The following RHEX variants were observed in gnomAD, a reference collection of about 807,000 sequenced individuals.
RHEX encodes the protein regulator of hemoglobinization and erythroid cell expansion protein.
In RHEX, 18 loss-of-function variants were observed where a neutral mutation model predicts 20.1. That is an observed-to-expected ratio of 0.90 (90% CI 0.62 to 1.33). RHEX has a LOEUF of 1.33. RHEX is among the 40% of genes most tolerant of loss of function. The pLI, the probability that RHEX is intolerant of heterozygous loss-of-function variation, is 0.00. For synonymous variants in RHEX, 87 were observed against 77.1 expected, an observed-to-expected ratio of 1.13 and a Z score of -0.67; for missense variants, 192 against 214.3, an observed-to-expected ratio of 0.90 and a Z score of 0.65.
intron 1 of RHEX, among the ~76,000 whole-genome samples, chr1:206,090,202 C>CTTTTTT (rs59499927): frequency 2.4e-4 from 27 of 112,548 alleles, no homozygotes; most frequent in Middle Eastern, 5.6e-3. Flanking sequence ...TCTTTTCTTT[C>CTTTTTT]TTTTTTTTTT....
intron 1 of RHEX, chr1:206,080,110 G>C (rs1178927457): frequency 1.3e-5 from 2 of 152,226 alleles, no homozygotes; most frequent in Non-Finnish European, 2.9e-5. Context: ...GACATAACCA[G>C]AATGGTGGGT....
rs879997141 is a variant in RHEX at position 206,070,045 on chromosome 1, TAA to T, written c.-97+16792_-97+16793del. 6.3e-3 allele frequency among the ~76,000 whole-genome samples: 908 copies of T among 143,472 alleles called. 10 individuals carry two copies. The highest frequency in any genetic ancestry group is 0.019 in the South Asian group (85 of 4,484). The allele number at this position is 143,472 out of a possible 152,430, so 94.1% of individuals were successfully genotyped here. ...AACAGAAAAAAATAGCATTTACTAT[TAA>T]AAAAAAAAAAAGAATTAGTCTTTGT... On this transcript the variant is annotated intron_variant, in intron 1 of 5. Transcript: ENST00000331555.
At chr1:206,085,851 A>G (rs557152402) in intron 1 of RHEX, among the ~76,000 whole-genome samples, 1 of 152,158 alleles carries the variant, frequency 6.6e-6, no homozygotes, top group Non-Finnish European at 1.5e-5. Flanking sequence ...GTGCCCAAGG[A>G]ATGTATAAAG....
At chr1:206,068,783 G>A (rs991966685) in intron 1 of RHEX, among the ~76,000 whole-genome samples, 1 of 152,190 alleles carries the variant, frequency 6.6e-6, no homozygotes, top group Non-Finnish European at 1.5e-5. Context: ...CATTGTATAA[G>A]GTACTTTGTG....
At chr1:206,090,339 G>A (rs1000796093) in intron 1 of RHEX, among the ~76,000 whole-genome samples, 4 of 150,530 alleles carry the variant, frequency 2.7e-5, no homozygotes, top group Non-Finnish European at 4.4e-5. Flanking sequence ...CAGAGTTGTT[G>A]GGATTACAGG....
chr1:206,096,681 T>A (rs150537527), intron 1 of RHEX, among the ~76,000 whole-genome samples: 7 of 152,246 alleles, frequency 4.6e-5, no homozygotes, highest in African/African-American at 1.7e-4. Context: ...ATCCCTGTCT[T>A]GCTTTATTGC....
At chr1:206,097,068 C>A (rs185807383) in intron 1 of RHEX, among the ~76,000 whole-genome samples, 27 of 152,308 alleles carry the variant, frequency 1.8e-4, no homozygotes, top group African/African-American at 5.8e-4. Context: ...AGCCATCCTA[C>A]CTGGCCCAAG....
intron 1 of RHEX, among the ~76,000 whole-genome samples, chr1:206,092,594 T>C (rs1420906431): frequency 1.3e-5 from 2 of 152,250 alleles, no homozygotes; most frequent in Admixed American, 1.3e-4. Flanking sequence ...GAATCAATTT[T>C]GTTAATTTAT....
At chr1:206,072,808 C>A (rs975127350) in intron 1 of RHEX, among the ~76,000 whole-genome samples, 2 of 151,502 alleles carry the variant, frequency 1.3e-5, no homozygotes, top group African/African-American at 4.9e-5. Context: ...TCTGTATACA[C>A]CCACCACATT....
intron 1 of RHEX, among the ~76,000 whole-genome samples, chr1:206,090,427 G>C (rs527315771): frequency 1.3e-5 from 2 of 151,718 alleles, no homozygotes; most frequent in East Asian, 1.9e-4. Context: ...GGCTGGTCTC[G>C]AACTCTTGAC....
chr1:206,082,599 T>C (rs1467043582), intron 1 of RHEX, among the ~76,000 whole-genome samples: 21 of 152,334 alleles, frequency 1.4e-4, no homozygotes, highest in African/African-American at 4.6e-4. Context: ...CTTACTTACT[T>C]ATATTATTTA....
intron 1 of RHEX, among the ~76,000 whole-genome samples, chr1:206,064,262 G>A (rs1269698777): frequency 5.7e-5 from 8 of 140,054 alleles, no homozygotes; most frequent in Admixed American, 1.4e-4. Flanking sequence ...GAGGGAGGTG[G>A]GGGGGGTCAG....
chr1:206,099,446 G>C (rs967109426), intron 3 of RHEX, among the ~76,000 whole-genome samples: 2 of 151,880 alleles, frequency 1.3e-5, no homozygotes, highest in Non-Finnish European at 2.9e-5. Flanking sequence ...AGCCTCCCTA[G>C]TATCTGACAT....
intron 2 of RHEX, 91 bp downstream of exon 2, chr1:206,097,930 GCC>G: frequency 8.2e-7 from 1 of 1,219,218 alleles, no homozygotes; most frequent in Non-Finnish European, 1.2e-6. Flanking sequence ...CTTCCTGGCT[GCC>G]CCAGCCTTAT....
chr1:206,091,387 C>T (rs1662946827), intron 1 of RHEX, among the ~76,000 whole-genome samples: 1 of 152,074 alleles, frequency 6.6e-6, no homozygotes, highest in African/African-American at 2.4e-5. Context: ...AAATAATTTA[C>T]CATTTTGTCA....
intron 1 of RHEX, among the ~76,000 whole-genome samples, chr1:206,091,453 T>G (rs1662949310): frequency 6.6e-6 from 1 of 152,232 alleles, no homozygotes. Context: ...TTCTTTATTA[T>G]AGTAAGAAAA....
intron 1 of RHEX, among the ~76,000 whole-genome samples, chr1:206,065,156 T>C (rs1448181838): frequency 6.6e-6 from 1 of 152,198 alleles, no homozygotes; most frequent in African/African-American, 2.4e-5. Context: ...CCGCAGGGTC[T>C]TCTGCCTAGG....
intron 1 of RHEX, among the ~76,000 whole-genome samples, chr1:206,080,805 A>G (rs1571864571): frequency 6.6e-6 from 1 of 152,136 alleles, no homozygotes; most frequent in South Asian, 2.1e-4. Context: ...AGGAGCAGGC[A>G]AAGTGCCTTC....
rs552865737 is a variant in RHEX, at chr1:206,053,732, T to G, written c.-97+467T>G. On this transcript the variant is annotated intron_variant, in intron 1 of 5. Coordinates refer to ENST00000331555, the MANE Select transcript of RHEX (RefSeq NM_001007544.4). ...CAGAAGGAAGCCTGGACAGGTCCCT[T>G]GTTTCAAAGGTATGACACAAGGTAA... is the stretch of plus-strand genomic sequence containing the variant. Among the ~76,000 whole-genome samples, 52 of 152,304 alleles carry G rather than the reference T, an allele frequency of 3.4e-4. No homozygotes were observed. In the East Asian group the frequency reaches 9.3e-3, roughly 27 times the overall value.
Sources: gnomAD v4.1 joint callset for allele counts (sites outside exome capture counted in the v4.1 genomes callset) on GRCh38, gnomAD v4.1.1 for gene constraint, MANE v1.5 for transcripts, NCBI Gene and HGNC (gene_info 2026-07-23, HGNC 2026-07-21) for gene names.